The following FAM78B variants were observed in gnomAD, a reference collection of about 807,000 sequenced individuals.
FAM78B encodes family with sequence similarity 78 member B.
FAM78B carries 10 observed loss-of-function variants against 20.0 expected under a neutral mutation model. That is an observed-to-expected ratio of 0.50 (90% CI 0.31 to 0.85). The LOEUF (loss-of-function observed/expected upper bound fraction) is 0.85, where lower values mean the gene tolerates loss of function less well. FAM78B is among the 40% of genes least tolerant of loss of function. FAM78B has a pLI of 0.05. For synonymous variants in FAM78B, 135 were observed against 132.8 expected, an observed-to-expected ratio of 1.02 and a Z score of -0.12; for missense variants, 283 against 345.0, an observed-to-expected ratio of 0.82 and a Z score of 1.42.
intron 1 of FAM78B, among the ~76,000 whole-genome samples, chr1:166,099,470 C>T (rs536131491): frequency 2.0e-5 from 3 of 152,244 alleles, no homozygotes; most frequent in African/African-American, 7.2e-5. Flanking sequence ...TTAAAAGATG[C>T]AGAACCCACA....
chr1:166,154,277 G>C (rs1268883994), intron 1 of FAM78B, among the ~76,000 whole-genome samples: 1 of 152,222 alleles, frequency 6.6e-6, no homozygotes, highest in African/African-American at 2.4e-5. Flanking sequence ...CCAGGGCTAG[G>C]GTAAGGGGGG....
At chr1:166,093,252 G>A (rs1042839045) in intron 1 of FAM78B, among the ~76,000 whole-genome samples, 2 of 151,984 alleles carry the variant, frequency 1.3e-5, no homozygotes, top group Non-Finnish European at 1.5e-5. Context: ...ACAGATATTC[G>A]GCAGAAAGGT....
intron 1 of FAM78B, among the ~76,000 whole-genome samples, chr1:166,094,005 G>GTGTGTGTGTGTGTGTGTGTGTGTT: frequency 8.7e-6 from 1 of 115,060 alleles, no homozygotes; most frequent in Middle Eastern, 4.2e-3. Context: ...GCGAATGACT[G>GTGTGTGTGTGTGTGTGTGTGTGTT]TGTGTGTGTG....
intron 1 of FAM78B, among the ~76,000 whole-genome samples, chr1:166,078,354 C>T (rs1248524147): frequency 1.3e-5 from 2 of 152,078 alleles, no homozygotes; most frequent in Admixed American, 6.6e-5. Context: ...TATCTAATTC[C>T]CTTCCTTCTC....
chr1:166,150,568 A>G (rs914196324), intron 1 of FAM78B, among the ~76,000 whole-genome samples: 2 of 152,246 alleles, frequency 1.3e-5, no homozygotes, highest in African/African-American at 4.8e-5. Flanking sequence ...AGAGGTAAGC[A>G]GCCTCATCCT....
At chr1:166,069,153 T>C (rs1393775495), downstream of FAM78B, among the ~76,000 whole-genome samples, 1 of 152,218 alleles carries the variant, frequency 6.6e-6, no homozygotes, top group Non-Finnish European at 1.5e-5. Context: ...ATAGAAAGGC[T>C]ACAGGTAGAT....
At chr1:166,153,688 T>G (rs1655778360) in intron 1 of FAM78B, among the ~76,000 whole-genome samples, 1 of 151,580 alleles carries the variant, frequency 6.6e-6, no homozygotes, top group Non-Finnish European at 1.5e-5. Context: ...AAGGGGGAGG[T>G]GGACCACATG....
chr1:166,069,914 A>G lies in FAM78B; in HGVS notation c.*327T>C, dbSNP rs1651949732. On this transcript the variant is annotated 3_prime_UTR_variant, in exon 2 of 2. Coordinates refer to ENST00000354422, the MANE Select transcript of FAM78B (RefSeq NM_001017961.5). ...ACAGGCACTGTTTAATTTCGTTTCC[A>G]TCCCCTGCATCTCACAGGAAAGAAA... The G allele has an allele frequency of 2.1e-6, 2 of 961,174 alleles. No individual in the cohort carries two copies. The highest frequency in any genetic ancestry group is 2.5e-6 in the Non-Finnish European group (2 of 794,568). 59.5% of individuals were successfully genotyped at this position (961,174 alleles called of 1,614,324 possible). A position where few individuals can be genotyped will look rare whatever the true frequency, so the allele number is the denominator to read the frequency against.
rs769040780 is a variant in FAM78B at position 166,070,409 on chromosome 1, C to A, written c.618G>T (p.Gly206=). The A allele has an allele frequency of 8.7e-6, 14 of 1,614,182 alleles. No individual in the cohort carries two copies. The highest frequency in any genetic ancestry group is 1.1e-5 in the Non-Finnish European group (13 of 1,180,000). The change falls in exon 2 of 2, where the codon GGG becomes GGT. Residue 206 remains glycine (G), a synonymous_variant. Coordinates refer to ENST00000354422, the MANE Select transcript of FAM78B (RefSeq NM_001017961.5). ...DIEVDPLQLL[G]QRARLVGRTQ... is the part of the protein sequence containing the mutation. ...TCCTGCCCACCAGCCGGGCCCGCTG[C>A]CCCAAGAGCTGAAGAGGGTCCACTT...
Position 166,166,338 on chromosome 1 carries a change from C to T in FAM78B, c.-90G>A. On this transcript the variant is annotated 5_prime_UTR_variant, in exon 1 of 2. Coordinates refer to ENST00000354422, the MANE Select transcript of FAM78B (RefSeq NM_001017961.5). Reference sequence around the variant, plus strand: ...GGCGCCCGTCACGCCGGCATGGCGACGCGCCGCTCGCTCCCGGTCAGACTC... The same window carrying T: ...GGCGCCCGTCACGCCGGCATGGCGATGCGCCGCTCGCTCCCGGTCAGACTC... The T allele has an allele frequency of 9.7e-7, 1 of 1,026,020 alleles. No homozygotes were observed. Among genetic ancestry groups the T allele is most frequent in the Non-Finnish European group, 1.2e-6 (1 of 850,570 alleles). 63.6% of individuals were successfully genotyped at this position (1,026,020 alleles called of 1,614,324 possible). A position where few individuals can be genotyped will look rare whatever the true frequency, so the allele number is the denominator to read the frequency against.
intron 1 of FAM78B, among the ~76,000 whole-genome samples, chr1:166,149,699 C>T (rs1398375223): frequency 6.6e-6 from 1 of 152,154 alleles, no homozygotes; most frequent in Non-Finnish European, 1.5e-5. Context: ...CAAGCCTAGC[C>T]TTTTTCATTA....
At chr1:166,141,981 C>T (rs1655296497) in intron 1 of FAM78B, among the ~76,000 whole-genome samples, 2 of 152,122 alleles carry the variant, frequency 1.3e-5, no homozygotes, top group African/African-American at 4.8e-5. Flanking sequence ...TTGTGGTGTT[C>T]TCTCCTGGTC....
intron 1 of FAM78B, among the ~76,000 whole-genome samples, chr1:166,091,321 T>C (rs144780801): frequency 2.0e-5 from 3 of 152,016 alleles, no homozygotes; most frequent in African/African-American, 2.4e-5. Flanking sequence ...ATTTCCTACA[T>C]ATTGGGGGAG....
intron 1 of FAM78B, chr1:166,081,233 A>G (rs1652560242): frequency 6.6e-6 from 1 of 151,638 alleles, no homozygotes; most frequent in Non-Finnish European, 1.5e-5. Flanking sequence ...GTTTGTTACC[A>G]CTCTTGCGTC....
intron 1 of FAM78B, among the ~76,000 whole-genome samples, chr1:166,086,506 G>A (rs1454610762): frequency 6.6e-6 from 1 of 152,148 alleles, no homozygotes; most frequent in Non-Finnish European, 1.5e-5. Context: ...ATGAAAGCGG[G>A]GCAGAGGGAG....
At chr1:166,150,202 A>AC (rs11441515) in intron 1 of FAM78B, among the ~76,000 whole-genome samples, 143,005 of 152,116 alleles carry the variant, frequency 0.94, 67,821 homozygotes, top group East Asian at 1. Context: ...GCACAGTGGG[A>AC]CAACGTGCTG....
chr1:166,101,798 C>G (rs536628855), intron 1 of FAM78B, among the ~76,000 whole-genome samples: 129 of 150,956 alleles, frequency 8.5e-4, no homozygotes, highest in South Asian at 2.1e-3. Context: ...GGATATTATC[C>G]AGGAGAACTT....
chr1:166,109,858 ATATGTATG>A lies in FAM78B; in HGVS notation c.264-39103_264-39096del, dbSNP rs1387174640. 9.6e-4 allele frequency among the ~76,000 whole-genome samples: 27 copies of A among 28,104 alleles called. 6 individuals are homozygous for A. The highest frequency in any genetic ancestry group is 7.9e-3 in the East Asian group (5 of 634). The allele number at this position is 28,104 out of a possible 152,430, so 18.4% of individuals were successfully genotyped here. Reference sequence around the variant, plus strand: ...TATATATGTATATATATATATATATATATGTATGTGTATATATATATATGTATATATGT... The same window carrying A: ...TATATATGTATATATATATATATATATGTATATATATATATGTATATATGT... On this transcript the variant is annotated intron_variant, in intron 1 of 1. Coordinates refer to ENST00000354422, the MANE Select transcript of FAM78B (RefSeq NM_001017961.5).
chr1:166,116,863 C>T (rs1654278196), intron 1 of FAM78B, among the ~76,000 whole-genome samples: 1 of 152,174 alleles, frequency 6.6e-6, no homozygotes, highest in Non-Finnish European at 1.5e-5. Context: ...GAATTAAGAA[C>T]AGGTGAATCT....
Sources: allele counts gnomAD v4.1 joint callset (sites outside exome capture counted in the v4.1 genomes callset), GRCh38; gene constraint gnomAD v4.1.1; transcripts MANE v1.5; gene names NCBI Gene and HGNC (gene_info 2026-07-23, HGNC 2026-07-21).